EXOG: variants seen among roughly 807,000 people sequenced by gnomAD.
The protein encoded by EXOG is nuclease EXOG, mitochondrial.
Under a neutral mutation model 25.8 loss-of-function variants are expected in EXOG, and 27 were observed. That is an observed-to-expected ratio of 1.05 (90% CI 0.77 to 1.45). The LOEUF (loss-of-function observed/expected upper bound fraction) is 1.45. Among genes scored for constraint, EXOG ranks in the 40% most tolerant of loss-of-function variants. The probability of loss-of-function intolerance (pLI) is 0.00; values close to 1 mark genes in which losing one functional copy is unlikely to be tolerated. For synonymous variants in EXOG, 133 were observed against 167.0 expected, an observed-to-expected ratio of 0.80 and a Z score of 1.57; for missense variants, 458 against 450.5, an observed-to-expected ratio of 1.02 and a Z score of -0.15.
In EXOG at chr3:38,524,309, G is replaced by C; in HGVS notation, c.1054G>C (p.Glu352Gln). ...TATGAGTCGCTATGAGAAGAAGCTA[G>C]AAGAACTCAAAGCTAAGGAGCAGTC... ...YFMSRYEKKL[E>Q]ELKAKEQSGT... Residue 352 changes from glutamate to glutamine, a missense_variant, in exon 6 of 6, where the codon GAA becomes CAA. Glu to Gln is a conservative substitution (Grantham distance 29). This residue lies in a region of EXOG where 178 missense variants were observed against 203.7 expected (regional missense o/e 0.87). Transcript: ENST00000287675. 2 of 1,612,786 alleles carry C rather than the reference G, an allele frequency of 1.2e-6. No homozygotes were observed. Among genetic ancestry groups the C allele is most frequent in the Non-Finnish European group, 1.7e-6 (2 of 1,179,744 alleles).
intron 1 of EXOG, chr3:38,497,328 A>G (rs142866383): frequency 2.7e-6 from 3 of 1,113,162 alleles, no homozygotes; most frequent in Middle Eastern, 4.0e-4. Flanking sequence ...TGCTTCAGAG[A>G]TGATTTGGAA....
rs1244271354 is a variant in EXOG at position 38,501,372 on chromosome 3, C to T, written c.331C>T (p.His111Tyr). The T allele has an allele frequency of 1.2e-6, 2 of 1,613,180 alleles. No individual in the cohort carries two copies. The highest frequency in any genetic ancestry group is 1.7e-6 in the Non-Finnish European group (2 of 1,179,280). The change falls in exon 3 of 6, where the codon CAT becomes TAT. Residue 111 changes from histidine (H) to tyrosine (Y), a missense_variant. Physicochemically the swap from His to Tyr is moderately conservative, Grantham distance 83. This residue lies in a region of EXOG where 275 missense variants were observed against 230.5 expected (regional missense o/e 1.19). Coordinates refer to ENST00000287675, the MANE Select transcript of EXOG (RefSeq NM_005107.4). ...SKIMGDADRKHCKFKPDPNIP... is the reference protein window; with the variant it reads ...SKIMGDADRKYCKFKPDPNIP... ...TTCTTCAGGTGATGCAGACAGAAAG[C>T]ATTGTAAATTTAAGCCTGATCCCAA...
chr3:38,504,028 A>G (rs762605720), intron 4 of EXOG, among the ~76,000 whole-genome samples: 2 of 152,056 alleles, frequency 1.3e-5, no homozygotes, highest in Non-Finnish European at 2.9e-5. Context: ...TTGTATTCCA[A>G]TATTTCTTAG....
intron 5 of EXOG, among the ~76,000 whole-genome samples, chr3:38,513,450 A>G (rs955050956): frequency 6.6e-6 from 1 of 152,270 alleles, no homozygotes; most frequent in African/African-American, 2.4e-5. Flanking sequence ...ATATAATTCT[A>G]TATCATTAAA....
chr3:38,519,709 T>C (rs897642145), intron 5 of EXOG, among the ~76,000 whole-genome samples: 4 of 152,226 alleles, frequency 2.6e-5, no homozygotes, highest in Non-Finnish European at 5.9e-5. Flanking sequence ...GGTGCTTGTT[T>C]TACTGTGACT....
intron 5 of EXOG, among the ~76,000 whole-genome samples, 169 bp downstream of exon 5, chr3:38,507,137 T>C (rs781475847): frequency 1.3e-5 from 2 of 152,214 alleles, no homozygotes; most frequent in Non-Finnish European, 2.9e-5. Context: ...ATGATAGGCA[T>C]AGGGAATATA....
chr3:38,517,657 C>T (rs1426122513), intron 5 of EXOG, among the ~76,000 whole-genome samples: 1 of 152,214 alleles, frequency 6.6e-6, no homozygotes, highest in Non-Finnish European at 1.5e-5. Flanking sequence ...TTTAGTGGCT[C>T]ACTGTTGAGA....
chr3:38,522,762 C>G (rs1308175038), intron 5 of EXOG, among the ~76,000 whole-genome samples: 2 of 152,202 alleles, frequency 1.3e-5, no homozygotes, highest in East Asian at 3.9e-4. Context: ...CCTTGGCCTC[C>G]CAAAGTGCTG....
At chr3:38,498,872 T>A in intron 2 of EXOG, 1 of 456,106 alleles carries the variant, frequency 2.2e-6, no homozygotes, top group Non-Finnish European at 4.4e-6. Flanking sequence ...TATGTCTTGA[T>A]AGGGTCCTGT....
chr3:38,501,663 T>C (rs1051162830), intron 3 of EXOG, among the ~76,000 whole-genome samples, 169 bp downstream of exon 3: 1 of 152,242 alleles, frequency 6.6e-6, no homozygotes, highest in Non-Finnish European at 1.5e-5. Context: ...CCGAGACATT[T>C]TTAAACAGGT....
At chr3:38,516,411 A>G (rs192060610) in intron 5 of EXOG, among the ~76,000 whole-genome samples, 152 of 152,306 alleles carry the variant, frequency 1.0e-3, no homozygotes, top group African/African-American at 3.4e-3. Context: ...GAAAGGTTAT[A>G]AGAACAATAA....
chr3:38,523,708 T>G (rs939946587), intron 5 of EXOG, among the ~76,000 whole-genome samples, 193 bp from the exon 6 acceptor site: 1 of 152,210 alleles, frequency 6.6e-6, no homozygotes, highest in Non-Finnish European at 1.5e-5. Context: ...AGAATTGACC[T>G]GTTAAATACT....
intron 5 of EXOG, among the ~76,000 whole-genome samples, chr3:38,508,187 G>A (rs889718223): frequency 6.6e-6 from 1 of 152,134 alleles, no homozygotes; most frequent in African/African-American, 2.4e-5. Context: ...GTTACAGTGA[G>A]TTGAATAAAT....
intron 5 of EXOG, among the ~76,000 whole-genome samples, chr3:38,509,761 G>T (rs912646421): frequency 1.3e-5 from 2 of 151,914 alleles, no homozygotes; most frequent in Admixed American, 1.3e-4. Flanking sequence ...AAAATAAAAT[G>T]GATTATAAAC....
chr3:38,523,194 C>T (rs1477688727), intron 5 of EXOG: 1 of 1,288,506 alleles, frequency 7.8e-7, no homozygotes. Flanking sequence ...CCCAAGCCTG[C>T]AGTTTTGACC....
At chr3:38,522,808 T>C (rs2060761349) in intron 5 of EXOG, among the ~76,000 whole-genome samples, 1 of 152,196 alleles carries the variant, frequency 6.6e-6, no homozygotes, top group African/African-American at 2.4e-5. Context: ...CTGGCCCAGA[T>C]GCCAATTGGA....
intron 2 of EXOG, chr3:38,500,282 C>T (rs1202864145): frequency 6.6e-6 from 1 of 152,302 alleles, no homozygotes; most frequent in Non-Finnish European, 1.5e-5. Context: ...GGGAATACTG[C>T]TAGACACCTT....
intron 3 of EXOG, among the ~76,000 whole-genome samples, chr3:38,502,066 G>A (rs184408566): frequency 2.6e-5 from 4 of 152,164 alleles, no homozygotes; most frequent in Admixed American, 1.3e-4. Context: ...GGGATTACAG[G>A]TTCCCGCCAC....
chr3:38,525,991 CTTA>C lies in EXOG; in HGVS notation c.*1635_*1637del, dbSNP rs1246304288. 1.2e-5 allele frequency: 12 copies of C among 985,188 alleles called. No individual in the cohort carries two copies. Among genetic ancestry groups the C allele is most frequent in the Non-Finnish European group, 1.4e-5 (12 of 829,898 alleles). The allele number at this position is 985,188 out of a possible 1,614,324, so 61.0% of individuals were successfully genotyped here. A position where few individuals can be genotyped will look rare whatever the true frequency, so the allele number is the denominator to read the frequency against. ...AAAGGTCTGCCCACAAAATCACTAG[CTTA>C]TTATTTGCTTCCTGTGTGCCTGCTT... On this transcript the variant is annotated 3_prime_UTR_variant, in exon 6 of 6. Transcript: ENST00000287675.
Sources: gnomAD v4.1 joint callset for allele counts (sites outside exome capture counted in the v4.1 genomes callset) on GRCh38, gnomAD v4.1.1 for gene constraint, gnomAD v4.1.1 regional missense constraint, MANE v1.5 for transcripts, NCBI Gene and HGNC (gene_info 2026-07-23, HGNC 2026-07-21) for gene names.